The following DLG1 variants were observed in gnomAD, a reference collection of about 807,000 sequenced individuals.
DLG1 encodes disks large homolog 1.
In DLG1, 42 loss-of-function variants were observed where a neutral mutation model predicts 123.4. That is an observed-to-expected ratio of 0.34 (90% CI 0.27 to 0.44). DLG1 has a LOEUF of 0.44. DLG1 is among the 20% of genes least tolerant of loss of function. DLG1 has a pLI of 1.00. For missense variants in DLG1, 942 were observed against 1,082.6 expected, an observed-to-expected ratio of 0.87 and a Z score of 1.82; for synonymous variants, 317 against 356.2, an observed-to-expected ratio of 0.89 and a Z score of 1.24.
chr3:197,212,214 A>G (rs1487097940), intron 4 of DLG1, among the ~76,000 whole-genome samples: 1 of 146,240 alleles, frequency 6.8e-6, no homozygotes, highest in East Asian at 2.0e-4. Flanking sequence ...TGAACCTAAA[A>G]GTTTTAAAAA....
At chr3:197,263,543 T>C (rs928711910) in intron 4 of DLG1, among the ~76,000 whole-genome samples, 4 of 152,170 alleles carry the variant, frequency 2.6e-5, no homozygotes, top group Admixed American at 6.5e-5. Flanking sequence ...TCCCAGCACT[T>C]TGGGAGGCCA....
chr3:197,205,777 G>C (rs1027708531), intron 4 of DLG1, among the ~76,000 whole-genome samples: 2 of 152,184 alleles, frequency 1.3e-5, no homozygotes. Context: ...TTCTGTAGTT[G>C]AGAAGTCCAA....
intron 13 of DLG1, among the ~76,000 whole-genome samples, chr3:197,105,826 A>G (rs1766034324): frequency 6.6e-6 from 1 of 152,220 alleles, no homozygotes; most frequent in African/African-American, 2.4e-5. Flanking sequence ...TAAATACCGA[A>G]TTAAAAAAAA....
intron 3 of DLG1, among the ~76,000 whole-genome samples, chr3:197,290,515 G>C (rs1347325942): frequency 6.6e-6 from 1 of 152,124 alleles, no homozygotes; most frequent in Non-Finnish European, 1.5e-5. Context: ...ATGACTCTGT[G>C]TACCTCTGGA....
intron 14 of DLG1, among the ~76,000 whole-genome samples, chr3:197,097,222 T>G (rs1761076241): frequency 1.3e-5 from 2 of 152,200 alleles, no homozygotes; most frequent in Admixed American, 6.5e-5. Flanking sequence ...AGACTGCTCG[T>G]GGCCCCTTCA....
At chr3:197,225,740 G>C (rs143956467) in intron 4 of DLG1, 1 of 152,598 alleles carries the variant, frequency 6.6e-6, no homozygotes, top group African/African-American at 2.4e-5. Context: ...ACAAAGGACA[G>C]GAATCTATTA....
intron 24 of DLG1, among the ~76,000 whole-genome samples, chr3:197,045,205 T>G (rs548022803): frequency 1.1e-4 from 7 of 64,840 alleles, no homozygotes; most frequent in African/African-American, 4.3e-4. Context: ...TACTGTAGTG[T>G]AGGTGAATTG....
At chr3:197,071,483 T>G (rs1360116291) in intron 18 of DLG1, among the ~76,000 whole-genome samples, 1 of 151,936 alleles carries the variant, frequency 6.6e-6, no homozygotes, top group Non-Finnish European at 1.5e-5. Flanking sequence ...AATCAAATTC[T>G]GCAGGTTCTT....
At chr3:197,173,759 AAGT>A (rs1400302763) in intron 5 of DLG1, among the ~76,000 whole-genome samples, 1 of 152,234 alleles carries the variant, frequency 6.6e-6, no homozygotes, top group Non-Finnish European at 1.5e-5. Flanking sequence ...TGTAGTTCAA[AAGT>A]AGTCATACAC....
Position 197,122,546 on chromosome 3 carries a change from G to C in DLG1, c.1166-3016C>G, listed in dbSNP as rs535498284. On this transcript the variant is annotated intron_variant, in intron 11 of 24. Coordinates refer to ENST00000667157, the MANE Select transcript of DLG1 (RefSeq NM_001366207.1). ...CACAGATGACATGGTTATATACGTA[G>C]ACGATCTGAAAGACCTATAAAACCT... Among the ~76,000 whole-genome samples the C allele has an allele frequency of 1.7e-4, 26 of 152,204 alleles. No homozygotes were observed. In the East Asian group the frequency reaches 4.8e-3, roughly 28 times the overall value.
chr3:197,295,385 AAGGCCATATCTG>A (rs1245298689), intron 3 of DLG1, among the ~76,000 whole-genome samples: 1 of 152,168 alleles, frequency 6.6e-6, no homozygotes, highest in Non-Finnish European at 1.5e-5. Context: ...AGATAGATGT[AAGGCCATATCTG>A]ACTGGAAGTT....
At chr3:197,261,798 A>G (rs934311968) in intron 4 of DLG1, among the ~76,000 whole-genome samples, 3 of 151,708 alleles carry the variant, frequency 2.0e-5, no homozygotes, top group Non-Finnish European at 4.4e-5. Flanking sequence ...CCTTTTATTT[A>G]AAGCCTAACA....
intron 5 of DLG1, among the ~76,000 whole-genome samples, chr3:197,150,675 G>A (rs1034025996): frequency 6.6e-6 from 1 of 152,040 alleles, no homozygotes; most frequent in Non-Finnish European, 1.5e-5. Flanking sequence ...TCAATTACCT[G>A]AGGAATTATA....
At chr3:197,180,105 A>G (rs1051439857) in intron 5 of DLG1, among the ~76,000 whole-genome samples, 3 of 131,716 alleles carry the variant, frequency 2.3e-5, no homozygotes, top group African/African-American at 5.7e-5. Flanking sequence ...ATAGTGCTCT[A>G]TATGTTGAGA....
At chr3:197,112,754 C>G (rs989002055) in intron 13 of DLG1, among the ~76,000 whole-genome samples, 4 of 151,748 alleles carry the variant, frequency 2.6e-5, no homozygotes, top group Non-Finnish European at 5.9e-5. Flanking sequence ...CTATGTCTGG[C>G]TAATTAAAAA....
intron 5 of DLG1, among the ~76,000 whole-genome samples, chr3:197,168,165 T>C (rs1414090776): frequency 2.0e-5 from 3 of 152,234 alleles, no homozygotes; most frequent in Non-Finnish European, 2.9e-5. Context: ...TCACCTTCTT[T>C]AGACGAGGAT....
chr3:197,143,643 T>G (rs1040821107), intron 6 of DLG1, among the ~76,000 whole-genome samples: 5 of 152,224 alleles, frequency 3.3e-5, no homozygotes, highest in Admixed American at 3.3e-4. Context: ...CTCTATGGGT[T>G]GGTAATCATG....
At chr3:197,051,082 C>T (rs1039640164) in intron 24 of DLG1, among the ~76,000 whole-genome samples, 1 of 152,090 alleles carries the variant, frequency 6.6e-6, no homozygotes, top group Admixed American at 6.6e-5. Flanking sequence ...CATTAAATTT[C>T]AAGATTCCTG....
intron 4 of DLG1, among the ~76,000 whole-genome samples, chr3:197,202,596 A>G (rs576523411): frequency 7.9e-5 from 12 of 152,350 alleles, no homozygotes; most frequent in Non-Finnish European, 1.5e-4. Flanking sequence ...CTTTTAAAGC[A>G]TCTACCAGCA....
Sources: gnomAD v4.1 joint callset for allele counts (sites outside exome capture counted in the v4.1 genomes callset) on GRCh38, gnomAD v4.1.1 for gene constraint, MANE v1.5 for transcripts, NCBI Gene and HGNC (gene_info 2026-07-23, HGNC 2026-07-21) for gene names.